The following TENT2 variants were observed in gnomAD, a reference collection of about 807,000 sequenced individuals.
The protein encoded by TENT2 is poly(A) RNA polymerase GLD2.
TENT2 carries 44 observed loss-of-function variants against 72.2 expected under a neutral mutation model. The ratio of observed to expected loss-of-function variants is 0.61; its 90% CI spans 0.48 to 0.78. TENT2 has a LOEUF of 0.78. TENT2 is among the 30% of genes least tolerant of loss of function. TENT2 has a pLI of 0.00. For synonymous variants in TENT2, 212 were observed against 192.5 expected, an observed-to-expected ratio of 1.10 and a Z score of -0.84; for missense variants, 541 against 569.6, an observed-to-expected ratio of 0.95 and a Z score of 0.51.
Position 79,685,184 on chromosome 5 carries a change from T to G in TENT2, c.1381-15T>G, listed in dbSNP as rs1406502995. 1 of 1,584,684 alleles carries G rather than the reference T, an allele frequency of 6.3e-7. No individual in the cohort carries two copies. Among genetic ancestry groups the G allele is most frequent in the Non-Finnish European group, 8.6e-7 (1 of 1,162,088 alleles). On this transcript the variant is annotated splice_polypyrimidine_tract_variant and intron_variant, in intron 14 of 14. Coordinates refer to ENST00000453514, the MANE Select transcript of TENT2 (RefSeq NM_001114394.3). ...AAATTTTAGGTTTTAAGAATGATTTTTCTTTCTCTCCCAGTCATGGCACAG... is the reference window on the plus strand; with the variant it reads ...AAATTTTAGGTTTTAAGAATGATTTGTCTTTCTCTCCCAGTCATGGCACAG...
chr5:79,626,306 A>ATT (rs36064690), intron 4 of TENT2, among the ~76,000 whole-genome samples: 16 of 130,002 alleles, frequency 1.2e-4, no homozygotes, highest in Non-Finnish European at 1.3e-4. Context: ...TGCCCAGCTA[A>ATT]TTTTTTTTTT....
At chr5:79,656,302 A>T (rs1350018129) in intron 10 of TENT2, among the ~76,000 whole-genome samples, 1 of 152,018 alleles carries the variant, frequency 6.6e-6, no homozygotes, top group Non-Finnish European at 1.5e-5. Flanking sequence ...TGGTGATAAC[A>T]TGAGGATATA....
At position 79,649,077 on chromosome 5, in the gene TENT2, G is replaced by C. The variant is rs1343612008; in HGVS notation, c.914G>C (p.Arg305Pro). 1 of 1,613,212 alleles carries C rather than the reference G, an allele frequency of 6.2e-7. No homozygotes were observed. Among genetic ancestry groups the C allele is most frequent in the Non-Finnish European group, 8.5e-7 (1 of 1,179,508 alleles). Residue 305 changes from arginine to proline, a missense_variant, in exon 10 of 15, where the codon CGT (arginine) becomes CCT (proline). Physicochemically the swap from Arg to Pro is moderately radical, Grantham distance 103. Transcript: ENST00000453514. ...RTYAYLENRV[R>P]PLVLVIKKWA... Reference sequence around the variant, plus strand: ...TTACTTTCAGTTGAAAATCGAGTTCGTCCGTTAGTGCTGGTGATTAAGAAG... The same window carrying C: ...TTACTTTCAGTTGAAAATCGAGTTCCTCCGTTAGTGCTGGTGATTAAGAAG...
intron 8 of TENT2, among the ~76,000 whole-genome samples, chr5:79,648,115 C>T (rs565400609): frequency 2.6e-5 from 4 of 152,116 alleles, no homozygotes; most frequent in Admixed American, 2.6e-4. Context: ...TGTTTTTGGT[C>T]ACATAGTTTT....
chr5:79,663,923 G>C (rs57959985), intron 11 of TENT2, among the ~76,000 whole-genome samples: 30,723 of 151,908 alleles, frequency 0.2, 4,580 homozygotes, highest in African/African-American at 0.42. Context: ...TACAGTGGGC[G>C]CTCTGTATGT....
intron 11 of TENT2, among the ~76,000 whole-genome samples, chr5:79,664,307 A>G (rs531492086): frequency 1.3e-5 from 2 of 152,236 alleles, no homozygotes; most frequent in South Asian, 4.1e-4. Flanking sequence ...ATACTTTTGA[A>G]AAGATTTAGC....
intron 4 of TENT2, among the ~76,000 whole-genome samples, chr5:79,629,676 A>G (rs1773538772): frequency 6.6e-6 from 1 of 151,662 alleles, no homozygotes; most frequent in Non-Finnish European, 1.5e-5. Flanking sequence ...AAATACAAAA[A>G]ATTAGCCAGG....
intron 13 of TENT2, among the ~76,000 whole-genome samples, chr5:79,681,150 ATTTTTTT>A (rs1158559796): frequency 1.1e-4 from 5 of 44,734 alleles, no homozygotes; most frequent in East Asian, 7.5e-4. Context: ...CTTTTCTTTG[ATTTTTTT>A]TTTTTTTTTT....
intron 4 of TENT2, among the ~76,000 whole-genome samples, chr5:79,637,247 G>T (rs1780872055): frequency 6.6e-6 from 1 of 151,766 alleles, no homozygotes; most frequent in Admixed American, 6.6e-5. Flanking sequence ...AAAAATTGTT[G>T]CTCAGTTTAT....
chr5:79,656,514 G>A (rs559937765), intron 10 of TENT2, among the ~76,000 whole-genome samples: 181 of 151,906 alleles, frequency 1.2e-3, no homozygotes, highest in African/African-American at 4.2e-3. Context: ...AATAATAAAG[G>A]GACAATTATG....
chr5:79,622,021 C>G (rs1284223481), intron 3 of TENT2, among the ~76,000 whole-genome samples: 2 of 152,046 alleles, frequency 1.3e-5, no homozygotes, highest in South Asian at 4.2e-4. Context: ...CTTCTATGGG[C>G]CGGGTGCAGT....
intron 4 of TENT2, among the ~76,000 whole-genome samples, chr5:79,634,402 T>C (rs368581961): frequency 7.2e-4 from 109 of 152,174 alleles, no homozygotes; most frequent in African/African-American, 2.6e-3. Context: ...AGTGGTGTGG[T>C]CTTGACTCAC....
intron 4 of TENT2, among the ~76,000 whole-genome samples, chr5:79,637,033 T>TA (rs1780671229): frequency 6.6e-6 from 1 of 152,140 alleles, no homozygotes; most frequent in Non-Finnish European, 1.5e-5. Context: ...GTAGAAATGT[T>TA]ACCCTGCAGC....
At position 79,685,283 on chromosome 5, in the gene TENT2, A is replaced by G. The variant is rs745475521; in HGVS notation, c.*10A>G. ...TGTCCTGAAAAGATAACTGGCCTCT[A>G]TTTCTTAATAAATTCTTCCAAGAAA... On this transcript the variant is annotated 3_prime_UTR_variant, in exon 15 of 15. Coordinates refer to ENST00000453514, the MANE Select transcript of TENT2 (RefSeq NM_001114394.3). The G allele has an allele frequency of 1.4e-5, 21 of 1,544,582 alleles. No individual in the cohort carries two copies. In the South Asian group the frequency reaches 2.3e-4, roughly 17 times the overall value.
chr5:79,656,703 T>G (rs1364965402), intron 10 of TENT2, among the ~76,000 whole-genome samples: 1 of 152,026 alleles, frequency 6.6e-6, no homozygotes. Context: ...TGATAGCCTA[T>G]TATTCTAAAA....
At chr5:79,649,240 A>T (rs776404330) in intron 10 of TENT2, 50 bp downstream of exon 10, 1 of 1,548,486 alleles carries the variant, frequency 6.5e-7, no homozygotes, top group African/African-American at 1.4e-5. Context: ...AGACAGCTTT[A>T]TTATGGTGTC....
chr5:79,643,528 TA>T (rs1317390799), intron 7 of TENT2, among the ~76,000 whole-genome samples: 2 of 152,204 alleles, frequency 1.3e-5, no homozygotes, highest in Non-Finnish European at 2.9e-5. Flanking sequence ...CACTGTGTGA[TA>T]TTGGAAAGAC....
chr5:79,683,969 A>G (rs986168486), intron 14 of TENT2, among the ~76,000 whole-genome samples: 5 of 149,876 alleles, frequency 3.3e-5, no homozygotes, highest in Non-Finnish European at 5.9e-5. Context: ...CTTTAATTTT[A>G]AAACAAATAT....
intron 13 of TENT2, among the ~76,000 whole-genome samples, chr5:79,680,749 A>G (rs1027664090): frequency 6.6e-6 from 1 of 152,100 alleles, no homozygotes; most frequent in Non-Finnish European, 1.5e-5. Context: ...CTCATTCTTG[A>G]AAAATACTCT....
Sources: gnomAD v4.1 joint callset for allele counts (sites outside exome capture counted in the v4.1 genomes callset) on GRCh38, gnomAD v4.1.1 for gene constraint, MANE v1.5 for transcripts, NCBI Gene and HGNC (gene_info 2026-07-23, HGNC 2026-07-21) for gene names.